Variants in MAF observed in about 807,000 individuals in gnomAD.
MAF encodes transcription factor Maf.
MAF carries 10 observed loss-of-function variants against 22.0 expected under a neutral mutation model. The ratio of observed to expected loss-of-function variants is 0.45; its 90% CI spans 0.28 to 0.77. The LOEUF is 0.77. Among genes scored for constraint, MAF ranks in the 30% least tolerant of loss-of-function variants. The probability of loss-of-function intolerance (pLI) is 0.12; values close to 1 mark genes in which losing one functional copy is unlikely to be tolerated. For synonymous variants in MAF, 337 were observed against 255.8 expected (o/e 1.32, Z -3.03); for missense variants, 544 against 548.4 (o/e 0.99, Z 0.08).
At chr16:79,371,255 G>A in the MAF span, among the ~76,000 whole-genome samples, 1 of 152,098 alleles carries the variant, frequency 6.6e-6, no homozygotes, top group African/African-American at 2.4e-5. Context: ...GGCTCCCAGA[G>A]TAGTGTTTCA....
the MAF span, among the ~76,000 whole-genome samples, chr16:79,310,994 G>GGCT: frequency 2.6e-5 from 4 of 151,892 alleles, no homozygotes; most frequent in African/African-American, 9.7e-5. Context: ...CTTCCACCCT[G>GGCT]GCTGCTGCTG....
the MAF span, among the ~76,000 whole-genome samples, chr16:79,392,315 G>A: frequency 6.7e-6 from 1 of 149,006 alleles, no homozygotes. Flanking sequence ...GAAGGAGAGA[G>A]AGGGAGGAGG....
At chr16:79,279,730 C>T in the MAF span, among the ~76,000 whole-genome samples, 1 of 152,296 alleles carries the variant, frequency 6.6e-6, no homozygotes, top group Non-Finnish European at 1.5e-5. Context: ...ACACTTTGAC[C>T]TCCAAGCCTG....
At chr16:79,487,121 T>A in the MAF span, among the ~76,000 whole-genome samples, 1 of 152,026 alleles carries the variant, frequency 6.6e-6, no homozygotes, top group African/African-American at 2.4e-5. Flanking sequence ...CACAAAGACC[T>A]TTTAATTAGG....
the MAF span, among the ~76,000 whole-genome samples, chr16:79,404,242 C>G: frequency 6.7e-6 from 1 of 149,938 alleles, no homozygotes; most frequent in South Asian, 2.1e-4. Context: ...CGGCTCACTG[C>G]AACCTCCGCC....
At chr16:79,478,663 C>T in the MAF span, among the ~76,000 whole-genome samples, 1 of 152,148 alleles carries the variant, frequency 6.6e-6, no homozygotes, top group South Asian at 2.1e-4. Flanking sequence ...AGTGTTCCAT[C>T]CCAATGCCAA....
At chr16:79,302,988 T>C in the MAF span, among the ~76,000 whole-genome samples, 2 of 152,226 alleles carry the variant, frequency 1.3e-5, no homozygotes, top group African/African-American at 4.8e-5. Flanking sequence ...TACTCGGCAC[T>C]CCGGAGTTGC....
the MAF span, among the ~76,000 whole-genome samples, chr16:79,372,477 T>C: frequency 5.9e-5 from 9 of 152,194 alleles, no homozygotes; most frequent in Non-Finnish European, 1.0e-4. Context: ...TGTTAAAATA[T>C]TAATAGATAT....
chr16:79,594,562 G>T lies in MAF; in HGVS notation c.1119-9C>A, dbSNP rs756769437. ...TGCGAGTGGGCTCAGTTCTGTAATTGGAATGAAAGGAATTTTAACACTATT... is the reference window on the plus strand; with the variant it reads ...TGCGAGTGGGCTCAGTTCTGTAATTTGAATGAAAGGAATTTTAACACTATT... On this transcript the variant is annotated splice_polypyrimidine_tract_variant and intron_variant, in intron 1 of 1. Transcript: ENST00000326043. 1.9e-6 allele frequency: 3 copies of T among 1,555,528 alleles called. No individual in the cohort carries two copies. The South Asian group carries it at 3.6e-5, about 18-fold the overall frequency.
chr16:79,256,949 C>T, the MAF span, among the ~76,000 whole-genome samples: 143 of 152,180 alleles, frequency 9.4e-4, 1 homozygote, highest in East Asian at 1.9e-4. Flanking sequence ...GAGGCCGAGG[C>T]GGGCAGATCA....
chr16:79,542,284 C>T, the MAF span, among the ~76,000 whole-genome samples: 2 of 152,128 alleles, frequency 1.3e-5, no homozygotes, highest in Non-Finnish European at 2.9e-5. Context: ...AACAGGAAAG[C>T]GGTTCTCAGC....
chr16:79,254,713 A>G, the MAF span, among the ~76,000 whole-genome samples: 2 of 151,746 alleles, frequency 1.3e-5, no homozygotes, highest in South Asian at 4.2e-4. Context: ...TCCTCAAGAA[A>G]CTCTCCACTC....
the MAF span, among the ~76,000 whole-genome samples, chr16:79,257,633 G>A: frequency 6.6e-6 from 1 of 152,120 alleles, no homozygotes; most frequent in Admixed American, 6.5e-5. Flanking sequence ...TGTGCCTTGG[G>A]CATCTCATCT....
the MAF span, among the ~76,000 whole-genome samples, chr16:79,397,822 C>A: frequency 6.6e-6 from 1 of 152,206 alleles, no homozygotes; most frequent in South Asian, 2.1e-4. Context: ...GTTAGAAGAA[C>A]CTGAGGCACC....
chr16:79,430,891 C>T, the MAF span, among the ~76,000 whole-genome samples: 6 of 152,166 alleles, frequency 3.9e-5, no homozygotes, highest in African/African-American at 9.7e-5. Flanking sequence ...GTAAATGACA[C>T]TTTGCATTTT....
chr16:79,256,342 A>C, the MAF span, among the ~76,000 whole-genome samples: 2 of 152,092 alleles, frequency 1.3e-5, no homozygotes, highest in African/African-American at 4.8e-5. Context: ...TAAATCGAGC[A>C]GGTAGATCAC....
the MAF span, among the ~76,000 whole-genome samples, chr16:79,239,189 C>G: frequency 6.6e-6 from 1 of 152,192 alleles, no homozygotes; most frequent in East Asian, 1.9e-4. Context: ...TTGTCAAATT[C>G]TCTCTCTGTT....
chr16:79,573,424 A>G, the MAF span, among the ~76,000 whole-genome samples: 1 of 152,144 alleles, frequency 6.6e-6, no homozygotes, highest in Non-Finnish European at 1.5e-5. Flanking sequence ...CAAAATGGTT[A>G]CACCCCTCCT....
chr16:79,506,531 T>C, the MAF span, among the ~76,000 whole-genome samples: 27 of 152,100 alleles, frequency 1.8e-4, no homozygotes, highest in Non-Finnish European at 7.4e-5. Flanking sequence ...AGAGAGAATG[T>C]GGGGAAGACC....
Sources: gnomAD v4.1 joint callset for allele counts (sites outside exome capture counted in the v4.1 genomes callset) on GRCh38, gnomAD v4.1.1 for gene constraint, MANE v1.5 for transcripts, NCBI Gene and HGNC (gene_info 2026-07-23, HGNC 2026-07-21) for gene names.